KLHL29: variants seen among roughly 807,000 people sequenced by gnomAD.
KLHL29 encodes kelch-like protein 29.
In KLHL29, 21 loss-of-function variants were observed where a neutral mutation model predicts 80.4. The ratio of observed to expected loss-of-function variants is 0.26; its 90% CI spans 0.19 to 0.38. KLHL29 has a LOEUF of 0.38. Among genes scored for constraint, KLHL29 ranks in the 10% least tolerant of loss-of-function variants. The pLI is 1.00. For missense variants in KLHL29, 867 were observed against 1,223.9 expected (o/e 0.71, Z 4.35); for synonymous variants, 511 against 526.8 (o/e 0.97, Z 0.41).
In KLHL29 at chr2:23,469,644, A is replaced by T. The variant is rs575993916; in HGVS notation, c.-153-5916A>T. Among the ~76,000 whole-genome samples the T allele has an allele frequency of 3.7e-4, 57 of 152,228 alleles. 1 individual carries two copies. Among genetic ancestry groups the T allele is most frequent in the Non-Finnish European group, 5.4e-4 (37 of 68,000 alleles). ...TGGTTTATATTCCAATCATCAACCT[A>T]TGGTGTGAACATCTTCCAGATGTTC... On this transcript the variant is annotated intron_variant, in intron 1 of 13. Coordinates refer to ENST00000486442, the MANE Select transcript of KLHL29 (RefSeq NM_052920.2).
chr2:23,629,519 G>A (rs939186460), intron 3 of KLHL29, among the ~76,000 whole-genome samples: 6 of 152,164 alleles, frequency 3.9e-5, no homozygotes, highest in Non-Finnish European at 7.3e-5. Flanking sequence ...GAGTTGTAAG[G>A]TTCTGCCAGA....
At chr2:23,699,582 C>T (rs1029619861) in intron 11 of KLHL29, among the ~76,000 whole-genome samples, 2 of 152,230 alleles carry the variant, frequency 1.3e-5, no homozygotes, top group Non-Finnish European at 2.9e-5. Flanking sequence ...GTTGTCCTTT[C>T]TCCCCTGTCT....
chr2:23,423,114 G>A (rs1192242344), intron 1 of KLHL29, among the ~76,000 whole-genome samples: 2 of 152,246 alleles, frequency 1.3e-5, no homozygotes, highest in Non-Finnish European at 2.9e-5. Flanking sequence ...TGGACAGTGG[G>A]GTTGGCGGGC....
chr2:23,663,938 A>G (rs1032883538), intron 5 of KLHL29, among the ~76,000 whole-genome samples: 1 of 152,244 alleles, frequency 6.6e-6, no homozygotes, highest in South Asian at 2.1e-4. Flanking sequence ...AAAAGCTGCC[A>G]TTGATAATCC....
intron 3 of KLHL29, among the ~76,000 whole-genome samples, chr2:23,595,155 A>C (rs902541949): frequency 1.3e-5 from 2 of 152,046 alleles, no homozygotes; most frequent in African/African-American, 4.8e-5. Context: ...AGGCGCCCAG[A>C]AAGAGGCACC....
chr2:23,644,004 A>G (rs1184881908), intron 5 of KLHL29: 1 of 152,104 alleles, frequency 6.6e-6, no homozygotes, highest in Non-Finnish European at 1.5e-5. Context: ...CTTCTCTCCC[A>G]AGTCTCTTCC....
intron 5 of KLHL29, among the ~76,000 whole-genome samples, chr2:23,649,416 G>A (rs988217490): frequency 1.3e-5 from 2 of 152,160 alleles, no homozygotes; most frequent in East Asian, 1.9e-4. Context: ...GTAATTGGAG[G>A]GTTGTCCAGG....
chr2:23,653,820 G>GT (rs1411486109), intron 5 of KLHL29, among the ~76,000 whole-genome samples: 1 of 149,014 alleles, frequency 6.7e-6, no homozygotes, highest in Non-Finnish European at 1.5e-5. Context: ...TCAGATGAGT[G>GT]TTTTTTGTGG....
intron 2 of KLHL29, among the ~76,000 whole-genome samples, chr2:23,535,450 G>A (rs1666632519): frequency 6.6e-6 from 1 of 152,244 alleles, no homozygotes; most frequent in African/African-American, 2.4e-5. Flanking sequence ...GTATACCCAT[G>A]TTAATAGCAG....
intron 3 of KLHL29, among the ~76,000 whole-genome samples, chr2:23,588,983 G>A (rs972296963): frequency 4.6e-5 from 7 of 152,254 alleles, no homozygotes; most frequent in African/African-American, 1.7e-4. Flanking sequence ...CCTCACTCAC[G>A]CGTCACACCA....
intron 3 of KLHL29, among the ~76,000 whole-genome samples, chr2:23,632,177 A>T (rs534695146): frequency 7.9e-5 from 12 of 152,232 alleles, no homozygotes; most frequent in Non-Finnish European, 1.6e-4. Flanking sequence ...GTGATCTTGG[A>T]ATCTGCTCTC....
rs1342549332 is a variant in KLHL29 at position 23,647,925 on chromosome 2, G to T, written c.940+5075G>T. The stretch of plus-strand genomic sequence containing the variant: ...CACTCCCCCCTCAGTATCCAAGCCG[G>T]TACCAGCACTCAGAGATGCCCCAGA... On this transcript the variant is annotated intron_variant, in intron 5 of 13. Transcript: ENST00000486442. The surrounding 1 kb of genome is among the most constrained non-coding windows in gnomAD (Gnocchi z 4.9). 6.6e-6 allele frequency among the ~76,000 whole-genome samples: 1 copy of T among 152,114 alleles called. No homozygotes were observed. The highest frequency in any genetic ancestry group is 1.5e-5 in the Non-Finnish European group (1 of 68,020).
intron 5 of KLHL29, among the ~76,000 whole-genome samples, chr2:23,676,614 G>C (rs896028196): frequency 2.0e-5 from 3 of 152,204 alleles, no homozygotes; most frequent in African/African-American, 7.2e-5. Context: ...AACATGGCGA[G>C]ACCCTGTCTC....
intron 11 of KLHL29, among the ~76,000 whole-genome samples, chr2:23,702,872 G>A (rs1008870732): frequency 1.4e-5 from 2 of 142,418 alleles, no homozygotes; most frequent in Non-Finnish European, 3.2e-5. Flanking sequence ...GAATGCAAGG[G>A]TAGGACTGAG....
intron 2 of KLHL29, among the ~76,000 whole-genome samples, chr2:23,501,283 CT>C (rs1198149271): frequency 6.6e-6 from 1 of 151,988 alleles, no homozygotes; most frequent in African/African-American, 2.4e-5. Context: ...TATCAGCCCC[CT>C]ATTCCTGCTT....
intron 2 of KLHL29, among the ~76,000 whole-genome samples, chr2:23,507,910 A>C (rs1665650306): frequency 6.6e-6 from 1 of 152,102 alleles, no homozygotes; most frequent in South Asian, 2.1e-4. Context: ...GGCCACTTAC[A>C]TGTTTGCCAT....
chr2:23,477,831 C>T (rs564979550), intron 2 of KLHL29, among the ~76,000 whole-genome samples: 6 of 152,314 alleles, frequency 3.9e-5, no homozygotes, highest in Non-Finnish European at 8.8e-5. Flanking sequence ...CTTGGATGCA[C>T]CTGTGAGTTT....
chr2:23,448,518 G>A (rs1178158263), intron 1 of KLHL29, among the ~76,000 whole-genome samples: 1 of 152,138 alleles, frequency 6.6e-6, no homozygotes, highest in Non-Finnish European at 1.5e-5. Context: ...GAATTAGAAG[G>A]GCCTAGAGGA....
At chr2:23,387,755 G>A (rs768945497) in intron 1 of KLHL29, among the ~76,000 whole-genome samples, 1 of 152,054 alleles carries the variant, frequency 6.6e-6, no homozygotes, top group Non-Finnish European at 1.5e-5. Context: ...AATAGTCTCC[G>A]TCCCATACAT....
Sources: gnomAD v4.1 joint callset for allele counts (sites outside exome capture counted in the v4.1 genomes callset) on GRCh38, gnomAD v4.1.1 for gene constraint, Gnocchi (gnomAD v3.1) non-coding constraint, MANE v1.5 for transcripts, NCBI Gene and HGNC (gene_info 2026-07-23, HGNC 2026-07-21) for gene names.